Variants in DNAJA2 observed in about 807,000 individuals in gnomAD.
The protein encoded by DNAJA2 is DnaJ heat shock protein family (Hsp40) member A2.
Under a neutral mutation model 49.3 loss-of-function variants are expected in DNAJA2, and 6 were observed. The observed-to-expected ratio is 0.12, with a 90% CI of 0.07 to 0.24. DNAJA2 has a LOEUF of 0.24. DNAJA2 is among the 10% of genes least tolerant of loss of function. The pLI is 1.00. For synonymous variants in DNAJA2, 160 were observed against 172.7 expected, an observed-to-expected ratio of 0.93 and a Z score of 0.58; for missense variants, 347 against 516.8, an observed-to-expected ratio of 0.67 and a Z score of 3.19.
chr16:46,962,983 C>G (rs1302810229), intron 6 of DNAJA2, among the ~76,000 whole-genome samples: 2 of 152,172 alleles, frequency 1.3e-5, no homozygotes, highest in Non-Finnish European at 2.9e-5. Context: ...ATGATCACCA[C>G]AGAAGGACGA....
chr16:46,961,445 T>C (rs963095229), intron 6 of DNAJA2, among the ~76,000 whole-genome samples: 1 of 151,702 alleles, frequency 6.6e-6, no homozygotes, highest in Admixed American at 6.6e-5. Context: ...TCCTAGCACT[T>C]TGGGAGGCCG....
intron 8 of DNAJA2, among the ~76,000 whole-genome samples, chr16:46,957,548 A>G (rs1050421633): frequency 3.3e-5 from 5 of 152,036 alleles, no homozygotes; most frequent in Non-Finnish European, 7.4e-5. Context: ...AGTTGCAGTA[A>G]GCTGAGATTG....
In DNAJA2 at chr16:46,955,977, AAAT is replaced by A. The variant is rs1184984488; in HGVS notation, c.*1049_*1051del. ...TTCTATAAAACATTACAGAAACTCA[AAAT>A]AATAATCAATGGCTTCTCCAATTCC... On this transcript the variant is annotated 3_prime_UTR_variant, in exon 9 of 9. Transcript: ENST00000317089. 5.3e-5 allele frequency: 8 copies of A among 152,246 alleles called. No homozygotes were observed. Among genetic ancestry groups the A allele is most frequent in the Non-Finnish European group, 1.0e-4 (7 of 68,046 alleles). 9.4% of individuals were successfully genotyped at this position (152,246 alleles called of 1,614,324 possible).
chr16:46,971,272 AT>A (rs1375335051), intron 3 of DNAJA2, 76 bp downstream of exon 3: 1 of 1,303,414 alleles, frequency 7.7e-7, no homozygotes, highest in South Asian at 1.4e-5. Flanking sequence ...ACTCTATGAG[AT>A]TTTTCATCTA....
At chr16:46,963,279 G>A (rs181572549) in intron 6 of DNAJA2, among the ~76,000 whole-genome samples, 8 of 152,220 alleles carry the variant, frequency 5.3e-5, no homozygotes, top group Admixed American at 3.9e-4. Flanking sequence ...TACTGGAGGG[G>A]TTTTTCATGA....
chr16:46,959,122 G>A lies in DNAJA2; in HGVS notation c.928C>T (p.Arg310Cys). 1 of 1,601,892 alleles carries A rather than the reference G, an allele frequency of 6.2e-7. No individual in the cohort carries two copies. The highest frequency in any genetic ancestry group is 8.5e-7 in the Non-Finnish European group (1 of 1,174,630). Residue 310 changes from arginine (R) to cysteine (C), a missense_variant, in exon 8 of 9, where the codon CGT (arginine) becomes TGT (cysteine). Arg to Cys is a radical substitution (Grantham distance 180). Transcript: ENST00000317089. The stretch of plus-strand genomic sequence containing the variant: ...GGCATCCCTTCACCTCGAACTACAC[G>A]AACACACCCTATTATTTAAGAGGAA... Reference protein sequence around the residue: ...PGKVIEPGCVRVVRGEGMPQY... With the variant: ...PGKVIEPGCVCVVRGEGMPQY...
chr16:46,960,498 A>C lies in DNAJA2; in HGVS notation c.775-1079T>G, dbSNP rs1961880188. ...TTTCAACGCATTAAAAATGCTAAGT[A>C]GGCCAGGTGCAGTGGCTCACACCTG... is the stretch of plus-strand genomic sequence containing the variant. On this transcript the variant is annotated intron_variant, in intron 6 of 8. Coordinates refer to ENST00000317089, the MANE Select transcript of DNAJA2 (RefSeq NM_005880.4). Among the ~76,000 whole-genome samples the C allele has an allele frequency of 2.0e-5, 3 of 152,240 alleles. No individual in the cohort carries two copies. The South Asian group carries it at 6.2e-4, about 32-fold the overall frequency.
At chr16:46,958,323 A>T (rs1381626521) in intron 8 of DNAJA2, among the ~76,000 whole-genome samples, 1 of 152,092 alleles carries the variant, frequency 6.6e-6, no homozygotes, top group Non-Finnish European at 1.5e-5. Flanking sequence ...AGGCCGAGGC[A>T]GGTGGATCAT....
chr16:46,966,314 C>T (rs1961969774), intron 5 of DNAJA2, among the ~76,000 whole-genome samples: 1 of 152,196 alleles, frequency 6.6e-6, no homozygotes, highest in Admixed American at 6.5e-5. Flanking sequence ...TCATAATTAT[C>T]TCATCACTTC....
intron 8 of DNAJA2, 110 bp downstream of exon 8, chr16:46,958,893 A>T: frequency 1.6e-6 from 2 of 1,256,588 alleles, no homozygotes; most frequent in Non-Finnish European, 2.2e-6. Context: ...GCAGTGAGCC[A>T]CGATCACACC....
chr16:46,968,043 AAC>A, intron 4 of DNAJA2, 39 bp downstream of exon 4: 1 of 1,506,552 alleles, frequency 6.6e-7, no homozygotes, highest in Non-Finnish European at 9.0e-7. Context: ...TACTTAAAAG[AAC>A]AGACAAAATG....
intron 1 of DNAJA2, chr16:46,972,936 C>T (rs1005664078): frequency 1.3e-5 from 2 of 152,296 alleles, no homozygotes; most frequent in Admixed American, 6.5e-5. Context: ...GGGCGAGGGA[C>T]GCAGAGAGGG....
intron 8 of DNAJA2, 140 bp downstream of exon 8, chr16:46,958,863 C>T: frequency 1.1e-6 from 1 of 870,830 alleles, no homozygotes; most frequent in Non-Finnish European, 1.7e-6. Context: ...AGGATCGCTT[C>T]AGCCCAGGAG....
At chr16:46,962,175 A>C (rs545044365) in intron 6 of DNAJA2, among the ~76,000 whole-genome samples, 4 of 152,316 alleles carry the variant, frequency 2.6e-5, no homozygotes, top group East Asian at 3.9e-4. Flanking sequence ...CCCAAGAAAG[A>C]AGCTTATTCA....
chr16:46,964,152 T>C (rs1172088177), intron 6 of DNAJA2, among the ~76,000 whole-genome samples: 2 of 152,116 alleles, frequency 1.3e-5, no homozygotes, highest in Non-Finnish European at 2.9e-5. Flanking sequence ...GGCAGGCAGA[T>C]CACCTGAGGT....
intron 3 of DNAJA2, among the ~76,000 whole-genome samples, chr16:46,970,271 C>T (rs952240691): frequency 6.6e-6 from 1 of 152,218 alleles, no homozygotes; most frequent in African/African-American, 2.4e-5. Context: ...GGTCAGGCAC[C>T]ATTCATGTGT....
chr16:46,957,260 T>C, intron 8 of DNAJA2, 40 bp from the exon 9 acceptor site: 1 of 1,507,870 alleles, frequency 6.6e-7, no homozygotes. Flanking sequence ...GTTGTAATAT[T>C]TTCATCAACT....
rs1430525754 is a variant in DNAJA2, at chr16:46,956,473, A to C, written c.*556T>G. The C allele has an allele frequency of 1.3e-5, 2 of 152,384 alleles. No individual in the cohort carries two copies. The highest frequency in any genetic ancestry group is 1.5e-5 in the Non-Finnish European group (1 of 67,990). The allele number at this position is 152,384 out of a possible 1,614,324, so 9.4% of individuals were successfully genotyped here. A position where few individuals can be genotyped will look rare whatever the true frequency, so the allele number is the denominator to read the frequency against. Reference sequence around the variant, plus strand: ...AAAAAGAAAAAAGAAAAAAAAAACAAAACCAAAAACAAAAAAACTTTACAA... The same window carrying C: ...AAAAAGAAAAAAGAAAAAAAAAACACAACCAAAAACAAAAAAACTTTACAA... On this transcript the variant is annotated 3_prime_UTR_variant, in exon 9 of 9. Transcript: ENST00000317089.
rs781464689 is a variant in DNAJA2, at chr16:46,971,443, G to T, written c.268C>A (p.His90Asn). The change falls in exon 3 of 9, where the codon CAC (histidine) becomes AAC (asparagine). Residue 90 changes from histidine (H) to asparagine (N), a missense_variant. Transcript: ENST00000317089. ...CCGAACAATCCCCCACCAAAAATGT[G>T]AGAGAAAATATCATCCATGCCACCA... ...GGGGMDDIFSHIFGGGLFGFM... is the reference protein window; with the variant it reads ...GGGGMDDIFSNIFGGGLFGFM... The T allele has an allele frequency of 6.2e-7, 1 of 1,613,996 alleles. No individual in the cohort carries two copies. The highest frequency in any genetic ancestry group is 1.7e-5 in the Admixed American group (1 of 60,004).
Sources: gnomAD v4.1 joint callset for allele counts (sites outside exome capture counted in the v4.1 genomes callset) on GRCh38, gnomAD v4.1.1 for gene constraint, MANE v1.5 for transcripts, NCBI Gene and HGNC (gene_info 2026-07-23, HGNC 2026-07-21) for gene names.